STAU1: variants seen among roughly 807,000 people sequenced by gnomAD.
The protein encoded by STAU1 is staufen double-stranded RNA binding protein 1, also known as double-stranded RNA-binding protein Staufen homolog 1.
A neutral mutation model predicts 62.9 loss-of-function variants in STAU1; 13 were observed. The observed-to-expected ratio is 0.21, with a 90% CI of 0.13 to 0.33. The LOEUF (loss-of-function observed/expected upper bound fraction) is 0.33, where lower values mean the gene tolerates loss of function less well. STAU1 is among the 10% of genes least tolerant of loss of function. The pLI is 1.00. For synonymous variants in STAU1, 269 were observed against 265.1 expected, an observed-to-expected ratio of 1.01 and a Z score of -0.14; for missense variants, 571 against 712.1, an observed-to-expected ratio of 0.80 and a Z score of 2.25.
intron 6 of STAU1, among the ~76,000 whole-genome samples, chr20:49,131,333 A>T (rs1295552577): frequency 1.3e-5 from 2 of 152,210 alleles, no homozygotes; most frequent in East Asian, 3.8e-4. Flanking sequence ...CATTGAGACA[A>T]CTGGTGAAAT....
chr20:49,165,912 A>C, intron 3 of STAU1, 85 bp downstream of exon 3: 1 of 1,367,314 alleles, frequency 7.3e-7, no homozygotes, highest in South Asian at 1.2e-5. Flanking sequence ...TAAATGTGAG[A>C]GCTCCCTAAA....
At chr20:49,134,700 A>C in intron 6 of STAU1, 4 of 1,086,004 alleles carry the variant, frequency 3.7e-6, no homozygotes, top group Non-Finnish European at 4.3e-6. Flanking sequence ...TTAACTCTCT[A>C]CATTTCTGAA....
chr20:49,214,517 C>CAAAAA, the STAU1 span, among the ~76,000 whole-genome samples: 1 of 119,186 alleles, frequency 8.4e-6, no homozygotes, highest in Non-Finnish European at 1.7e-5. Context: ...GATTCCGTCT[C>CAAAAA]AAAAAAAAAA....
At chr20:49,200,353 C>T in the STAU1 span, among the ~76,000 whole-genome samples, 3 of 152,152 alleles carry the variant, frequency 2.0e-5, no homozygotes, top group African/African-American at 4.8e-5. Flanking sequence ...AATCCCAGCA[C>T]TTTGGAAGGC....
At chr20:49,122,880 G>A (rs1182149216) in intron 8 of STAU1, among the ~76,000 whole-genome samples, 2 of 152,030 alleles carry the variant, frequency 1.3e-5, no homozygotes, top group Non-Finnish European at 1.5e-5. Flanking sequence ...CAGCACCACT[G>A]CACTCCAGCC....
the STAU1 span, among the ~76,000 whole-genome samples, chr20:49,211,168 T>C: frequency 6.6e-6 from 1 of 152,232 alleles, no homozygotes; most frequent in Non-Finnish European, 1.5e-5. Flanking sequence ...TTTTTATAAC[T>C]GAATAATATG....
the STAU1 span, among the ~76,000 whole-genome samples, chr20:49,209,782 C>T: frequency 1.3e-5 from 2 of 151,908 alleles, no homozygotes; most frequent in East Asian, 1.9e-4. Context: ...GGTGTGGTGG[C>T]TCATGCCTGT....
intron 3 of STAU1, among the ~76,000 whole-genome samples, chr20:49,156,411 T>A (rs2093357307): frequency 6.6e-6 from 1 of 152,196 alleles, no homozygotes; most frequent in Non-Finnish European, 1.5e-5. Flanking sequence ...TAGTGTAGAA[T>A]CTGTGCTTTC....
chr20:49,203,454 C>T, the STAU1 span, among the ~76,000 whole-genome samples: 1 of 151,948 alleles, frequency 6.6e-6, no homozygotes, highest in Non-Finnish European at 1.5e-5. Flanking sequence ...AGTTTCTAAC[C>T]AGGATGATCA....
At chr20:49,206,141 C>A in the STAU1 span, among the ~76,000 whole-genome samples, 1 of 141,992 alleles carries the variant, frequency 7.0e-6, no homozygotes, top group African/African-American at 2.5e-5. Context: ...CGCCACCACG[C>A]CCAGCTGATT....
chr20:49,160,084 T>C (rs1185418874), intron 3 of STAU1, among the ~76,000 whole-genome samples: 1 of 152,246 alleles, frequency 6.6e-6, no homozygotes, highest in Admixed American at 6.6e-5. Flanking sequence ...TATGCTCTCA[T>C]TTAATTCTCA....
rs527954401 is a variant in STAU1, at chr20:49,183,128, C to T, written c.-160+4988G>A. 2.2e-4 allele frequency among the ~76,000 whole-genome samples: 34 copies of T among 152,180 alleles called. 1 individual carries two copies. Among genetic ancestry groups the T allele is most frequent in the African/African-American group, 8.2e-4 (34 of 41,506 alleles). On this transcript the variant is annotated intron_variant, in intron 1 of 13. Transcript: ENST00000371856. ...AGAAAAGCTCATGTAGAAAATTACA[C>T]GAGAAGCATTTCAACCACAAATGTC...
intron 6 of STAU1, among the ~76,000 whole-genome samples, chr20:49,127,656 A>C (rs905586585): frequency 1.3e-5 from 2 of 152,150 alleles, no homozygotes; most frequent in African/African-American, 4.8e-5. Context: ...CAGTGAGCTG[A>C]GATCGCGCCA....
chr20:49,195,903 A>AAAAAAAAAAAAAAAAG, the STAU1 span, among the ~76,000 whole-genome samples: 175 of 94,466 alleles, frequency 1.9e-3, 3 homozygotes, highest in African/African-American at 4.8e-3. Context: ...CCTCTCAAAA[A>AAAAAAAAAAAAAAAAG]AAAAAAAAAA....
Position 49,153,013 on chromosome 20 carries a change from G to C in STAU1, c.344+920C>G, listed in dbSNP as rs576314834. ...TGCCTGTAATCCCAGCACTTTGGGAGGCCGAGGTGGGCGGATCATGAGGTC... is the reference window on the plus strand; with the variant it reads ...TGCCTGTAATCCCAGCACTTTGGGACGCCGAGGTGGGCGGATCATGAGGTC... On this transcript the variant is annotated intron_variant, in intron 4 of 13. Transcript: ENST00000371856. Among the ~76,000 whole-genome samples, 8 of 152,032 alleles carry C rather than the reference G, an allele frequency of 5.3e-5. No homozygotes were observed. In the South Asian group the frequency reaches 1.7e-3, roughly 32 times the overall value.
chr20:49,219,247 C>A, the STAU1 span: 1 of 1,178,036 alleles, frequency 8.5e-7, no homozygotes, highest in Non-Finnish European at 1.2e-6. Flanking sequence ...TAAAAAGCTC[C>A]GCCCCTTGAT....
intron 1 of STAU1, among the ~76,000 whole-genome samples, chr20:49,183,993 G>A (rs990830401): frequency 1.3e-5 from 2 of 150,234 alleles, no homozygotes; most frequent in African/African-American, 2.5e-5. Context: ...GCAATGGCAC[G>A]ATAACCGCTC....
intron 1 of STAU1, among the ~76,000 whole-genome samples, chr20:49,187,777 C>CT (rs2093807230): frequency 2.7e-5 from 1 of 37,528 alleles, no homozygotes; most frequent in African/African-American, 1.7e-4. Flanking sequence ...GCAGGGACCC[C>CT]CCCCCCCCCC....
intron 8 of STAU1, among the ~76,000 whole-genome samples, chr20:49,122,620 A>G (rs1029425145): frequency 2.0e-5 from 3 of 152,220 alleles, no homozygotes; most frequent in African/African-American, 7.2e-5. Context: ...ACAAGGTCTT[A>G]ATAAGGATCA....
Sources: allele counts gnomAD v4.1 joint callset (sites outside exome capture counted in the v4.1 genomes callset), GRCh38; gene constraint gnomAD v4.1.1; transcripts MANE v1.5; gene names NCBI Gene and HGNC (gene_info 2026-07-23, HGNC 2026-07-21).